The following LY75 variants were observed in gnomAD, a reference collection of about 807,000 sequenced individuals.
The protein encoded by LY75 is lymphocyte antigen 75.
Under a neutral mutation model 231.7 loss-of-function variants are expected in LY75, and 185 were observed. The observed-to-expected ratio is 0.80, with a 90% CI of 0.71 to 0.90. LY75 has a LOEUF of 0.90. Ranked by LOEUF, LY75 falls within the 40% of genes least tolerant of loss-of-function variation. The pLI is 0.00. For synonymous variants in LY75, 668 were observed against 689.0 expected, an observed-to-expected ratio of 0.97 and a Z score of 0.48; for missense variants, 1,947 against 2,050.2, an observed-to-expected ratio of 0.95 and a Z score of 0.97.
intron 31 of LY75, 55 bp from the exon 32 acceptor site, chr2:159,810,730 T>C (rs936839668): frequency 1.9e-6 from 3 of 1,593,556 alleles, no homozygotes; most frequent in Non-Finnish European, 2.6e-6. Context: ...AGACTGCCTT[T>C]CAAAATCTAC....
intron 28 of LY75, among the ~76,000 whole-genome samples, chr2:159,825,044 A>G (rs1683415885): frequency 1.3e-5 from 2 of 152,216 alleles, no homozygotes; most frequent in Non-Finnish European, 1.5e-5. Flanking sequence ...CAAAGTTAAA[A>G]GAAGTAGAGA....
chr2:159,863,039 A>G (rs1207163508), intron 14 of LY75, among the ~76,000 whole-genome samples: 2 of 146,488 alleles, frequency 1.4e-5, no homozygotes, highest in Non-Finnish European at 3.0e-5. Flanking sequence ...TAAATTCCAC[A>G]TCTCAGTGAT....
In LY75 at chr2:159,815,499, A is replaced by T. The variant is rs762118914; in HGVS notation, c.4455T>A (p.Pro1485=). Residue 1485 remains proline, a synonymous_variant, in exon 31 of 35, where the codon CCT becomes CCA. Transcript: ENST00000263636. ...DYIPWKGQTS[P]GNCVLLDPKG... ...TTGGATCCAAGAGAACACAATTTCC[A>T]GGAGATGTTTGGCCTTTCCATGGGA... is the stretch of plus-strand genomic sequence containing the variant. 21 of 1,613,816 alleles carry T rather than the reference A, an allele frequency of 1.3e-5. No homozygotes were observed. Among genetic ancestry groups the T allele is most frequent in the Non-Finnish European group, 1.8e-5 (21 of 1,179,960 alleles).
intron 6 of LY75, among the ~76,000 whole-genome samples, chr2:159,882,775 C>T (rs938876606): frequency 7.2e-5 from 11 of 152,098 alleles, no homozygotes; most frequent in African/African-American, 9.7e-5. Flanking sequence ...TGTAGATTAA[C>T]GCTCACCGTT....
intron 32 of LY75, among the ~76,000 whole-genome samples, chr2:159,809,402 T>A (rs116149821): frequency 6.6e-6 from 1 of 152,164 alleles, no homozygotes. Context: ...ATGTGGCCAA[T>A]CCTATTGCAG....
In LY75 at chr2:159,857,514, G is replaced by A. The variant is rs567151904; in HGVS notation, c.2383+848C>T. ...TCTAGCACTTTGGGAGGCTGAGGCG[G>A]GCCAATCACCTGAGGTCAGGAGTTC... On this transcript the variant is annotated intron_variant, in intron 16 of 34. Coordinates refer to ENST00000263636, the MANE Select transcript of LY75 (RefSeq NM_002349.4). Among the ~76,000 whole-genome samples the A allele has an allele frequency of 3.3e-5, 5 of 152,276 alleles. No individual in the cohort carries two copies. The East Asian group carries it at 9.6e-4, about 29-fold the overall frequency.
intron 4 of LY75, among the ~76,000 whole-genome samples, chr2:159,887,566 C>CAAAAAAAAAAAAAAAAAAAAA (rs369452762): frequency 1.9e-5 from 2 of 103,818 alleles, no homozygotes; most frequent in Non-Finnish European, 3.6e-5. Context: ...TCAACAACAA[C>CAAAAAAAAAAAAAAAAAAAAA]AAAAAAAAAA....
intron 1 of LY75, among the ~76,000 whole-genome samples, chr2:159,900,892 G>A (rs1686055333): frequency 1.3e-5 from 2 of 151,972 alleles, no homozygotes; most frequent in Non-Finnish European, 2.9e-5. Flanking sequence ...AGGCTGGAGT[G>A]CAGTGGCACA....
intron 7 of LY75, among the ~76,000 whole-genome samples, chr2:159,881,458 T>C (rs1685434448): frequency 6.6e-6 from 1 of 152,188 alleles, no homozygotes; most frequent in Non-Finnish European, 1.5e-5. Context: ...ATCTGCAGGC[T>C]GGGTGTTCCT....
intron 25 of LY75, 123 bp from the exon 26 acceptor site, chr2:159,835,768 C>A (rs886777337): frequency 3.3e-6 from 4 of 1,211,122 alleles, no homozygotes; most frequent in African/African-American, 1.6e-5. Flanking sequence ...ATTTACATAC[C>A]ATTTACTACA....
At chr2:159,848,603 T>C (rs1684291582) in intron 23 of LY75, among the ~76,000 whole-genome samples, 1 of 152,126 alleles carries the variant, frequency 6.6e-6, no homozygotes, top group African/African-American at 2.4e-5. Context: ...CTACTTATGA[T>C]ATAATACAAA....
At chr2:159,832,875 T>C (rs1683705280) in intron 27 of LY75, among the ~76,000 whole-genome samples, 1 of 152,254 alleles carries the variant, frequency 6.6e-6, no homozygotes, top group African/African-American at 2.4e-5. Context: ...CAACTTTCAC[T>C]AAGTTCATTG....
intron 14 of LY75, among the ~76,000 whole-genome samples, chr2:159,864,364 T>C (rs568059127): frequency 6.6e-6 from 1 of 152,136 alleles, no homozygotes; most frequent in African/African-American, 2.4e-5. Flanking sequence ...AGTAGTTTCA[T>C]AGTTTGGGGC....
chr2:159,848,068 G>GTATATATATATATA (rs557189751), intron 23 of LY75, among the ~76,000 whole-genome samples: 16 of 123,870 alleles, frequency 1.3e-4, no homozygotes, highest in African/African-American at 5.2e-4. Flanking sequence ...ATTATGGTGT[G>GTATATATATATATA]TATATATATA....
intron 28 of LY75, among the ~76,000 whole-genome samples, chr2:159,828,511 G>A (rs577099272): frequency 2.0e-5 from 3 of 152,186 alleles, no homozygotes; most frequent in Admixed American, 6.5e-5. Flanking sequence ...TGTTGGCATC[G>A]ATACGGAGAA....
chr2:159,852,201 C>A lies in LY75; in HGVS notation c.2883G>T (p.Lys961Asn), dbSNP rs750388771. 1.9e-6 allele frequency: 3 copies of A among 1,612,986 alleles called. No individual in the cohort carries two copies. Among genetic ancestry groups the A allele is most frequent in the Non-Finnish European group, 2.5e-6 (3 of 1,179,490 alleles). The change falls in exon 21 of 35, where the codon AAG (lysine) becomes AAT (asparagine). Residue 961 changes from lysine to asparagine, a missense_variant and splice_region_variant. By Grantham distance (94) the Lys-to-Asn change is moderately conservative (BLOSUM62 0). Transcript: ENST00000263636. ...CSEQWIPFQN[K>N]CFLKIKPVSL... is the part of the protein sequence containing the mutation. ...CATAATGTAGCAATTCTCTTTTTAC[C>A]TTATTCTGAAAAGGAATCCATTGCT... is the stretch of plus-strand genomic sequence containing the variant.
intron 28 of LY75, among the ~76,000 whole-genome samples, chr2:159,824,228 A>C (rs2125836169): frequency 6.6e-6 from 1 of 152,360 alleles, no homozygotes; most frequent in African/African-American, 2.4e-5. Flanking sequence ...CCTCATGTGC[A>C]AAGACACAAA....
chr2:159,829,258 T>G (rs13023761), intron 28 of LY75, among the ~76,000 whole-genome samples: 32,860 of 152,120 alleles, frequency 0.22, 4,981 homozygotes, highest in African/African-American at 0.42. Flanking sequence ...GATTTGGTTC[T>G]TGTTTGCTGC....
At position 159,882,262 on chromosome 2, in the gene LY75, C is replaced by T; in HGVS notation, c.1108G>A (p.Gly370Arg). ...TCATTTACCAGCAGATAGCAAAATC[C>T]ATTATTTGGCAGCCAGCCTGCATCA... Reference protein sequence around the residue: ...RCDAGWLPNNGFCYLLVNESN... With the variant: ...RCDAGWLPNNRFCYLLVNESN... Residue 370 changes from glycine (G) to arginine (R), a missense_variant, in exon 7 of 35, where the codon GGA becomes AGA. By Grantham distance (125) the Gly-to-Arg change is moderately radical. Transcript: ENST00000263636. 6.2e-7 allele frequency: 1 copy of T among 1,613,982 alleles called. No homozygotes were observed. The highest frequency in any genetic ancestry group is 8.5e-7 in the Non-Finnish European group (1 of 1,179,908).
Sources: gnomAD v4.1 joint callset for allele counts (sites outside exome capture counted in the v4.1 genomes callset) on GRCh38, gnomAD v4.1.1 for gene constraint, MANE v1.5 for transcripts, NCBI Gene and HGNC (gene_info 2026-07-23, HGNC 2026-07-21) for gene names.